The following AKAP6 variants were observed in gnomAD, a reference collection of about 807,000 sequenced individuals.
AKAP6 encodes A-kinase anchor protein 6.
AKAP6 carries 58 observed loss-of-function variants against 188.5 expected under a neutral mutation model. The observed-to-expected ratio is 0.31, with a 90% confidence interval of 0.25 to 0.38. The LOEUF (loss-of-function observed/expected upper bound fraction) is 0.38, where lower values mean the gene tolerates loss of function less well. Ranked by LOEUF, AKAP6 falls within the 10% of genes least tolerant of loss-of-function variation. The pLI, the probability that AKAP6 is intolerant of heterozygous loss-of-function variation, is 1.00. For missense variants in AKAP6, 2,710 were observed against 2,740.0 expected (o/e 0.99, Z 0.24); for synonymous variants, 989 against 998.6 (o/e 0.99, Z 0.18).
At chr14:32,357,837 C>T (rs1594536705) in intron 1 of AKAP6, among the ~76,000 whole-genome samples, 1 of 152,148 alleles carries the variant, frequency 6.6e-6, no homozygotes, top group Admixed American at 6.5e-5. Flanking sequence ...TTAGTAGTGG[C>T]GCCCGTGTGT....
chr14:32,648,423 G>A (rs985448093), intron 7 of AKAP6, among the ~76,000 whole-genome samples: 1 of 152,066 alleles, frequency 6.6e-6, no homozygotes, highest in Non-Finnish European at 1.5e-5. Flanking sequence ...GAGCACATAG[G>A]AGGGTATTCC....
intron 2 of AKAP6, among the ~76,000 whole-genome samples, chr14:32,489,400 A>C (rs1483937109): frequency 6.6e-6 from 1 of 152,010 alleles, no homozygotes; most frequent in Non-Finnish European, 1.5e-5. Context: ...TATAGAGATG[A>C]TGTCTCTCTA....
At chr14:32,355,279 T>A (rs1594534100) in intron 1 of AKAP6, among the ~76,000 whole-genome samples, 2 of 152,206 alleles carry the variant, frequency 1.3e-5, no homozygotes, top group African/African-American at 4.8e-5. Flanking sequence ...CCTTGAAATT[T>A]TCTGTTGTTG....
At chr14:32,745,383 G>A (rs8003351) in intron 11 of AKAP6, among the ~76,000 whole-genome samples, 39,687 of 150,240 alleles carry the variant, frequency 0.26, 5,501 homozygotes, top group African/African-American at 0.35. Context: ...CTTGGACAAC[G>A]TCTAGGATAA....
chr14:32,745,931 G>T (rs1371955502), intron 11 of AKAP6, among the ~76,000 whole-genome samples: 1 of 152,040 alleles, frequency 6.6e-6, no homozygotes, highest in Non-Finnish European at 1.5e-5. Flanking sequence ...AACCAGGGGA[G>T]CCTCACCCTA....
rs1890288644 is a variant in AKAP6, at chr14:32,433,602, G to A, written c.109G>A (p.Gly37Ser). The A allele has an allele frequency of 4.3e-6, 7 of 1,614,022 alleles. No individual in the cohort carries two copies. The highest frequency in any genetic ancestry group is 5.9e-6 in the Non-Finnish European group (7 of 1,180,026). ...AINMTPTVEQGEGEEAMKDMD... is the reference protein window; with the variant it reads ...AINMTPTVEQSEGEEAMKDMD... Reference sequence around the variant, plus strand: ...CAACATGACACCCACTGTGGAGCAGGGTGAGGGAGAAGAGGCAATGAAGGA... The same window carrying A: ...CAACATGACACCCACTGTGGAGCAGAGTGAGGGAGAAGAGGCAATGAAGGA... Residue 37 changes from glycine (G) to serine (S), a missense_variant, in exon 2 of 14, where the codon GGT (glycine) becomes AGT (serine). Gly to Ser is a moderately conservative substitution (Grantham distance 56, BLOSUM62 0). Around this residue, in one of 2 missense-constraint regions of AKAP6, gnomAD observed 237 missense variants for 313.9 expected, o/e 0.76. Coordinates refer to ENST00000280979, the MANE Select transcript of AKAP6 (RefSeq NM_004274.5).
chr14:32,436,414 A>G (rs958830766), intron 2 of AKAP6, among the ~76,000 whole-genome samples: 1 of 152,174 alleles, frequency 6.6e-6, no homozygotes, highest in Non-Finnish European at 1.5e-5. Flanking sequence ...TACTCTGTTA[A>G]GCCAAAGCAT....
chr14:32,617,936 AT>A (rs918830009), intron 7 of AKAP6, among the ~76,000 whole-genome samples: 15 of 148,940 alleles, frequency 1.0e-4, no homozygotes, highest in South Asian at 2.1e-4. Flanking sequence ...CCTTCAGGTC[AT>A]TTTTTTTTTA....
intron 6 of AKAP6, among the ~76,000 whole-genome samples, chr14:32,599,713 T>C (rs1885845749): frequency 6.6e-6 from 1 of 152,222 alleles, no homozygotes. Context: ...CCAAATGGTC[T>C]GTTCATTTTA....
chr14:32,633,476 C>T (rs1024694563), intron 7 of AKAP6, among the ~76,000 whole-genome samples: 5 of 152,048 alleles, frequency 3.3e-5, no homozygotes, highest in African/African-American at 4.8e-5. Flanking sequence ...ATGTGACTTG[C>T]AGGCCTCCTG....
At chr14:32,501,079 G>C (rs1437592991) in intron 2 of AKAP6, among the ~76,000 whole-genome samples, 1 of 152,054 alleles carries the variant, frequency 6.6e-6, no homozygotes, top group Non-Finnish European at 1.5e-5. Context: ...TAAAAATACA[G>C]TAGAAGCCAC....
intron 1 of AKAP6, among the ~76,000 whole-genome samples, chr14:32,396,383 G>A (rs1408677536): frequency 3.3e-5 from 5 of 152,262 alleles, no homozygotes; most frequent in African/African-American, 1.2e-4. Context: ...CTACCTATCA[G>A]TCATTCCTCC....
chr14:32,494,286 TTGA>T (rs1880193653), intron 2 of AKAP6: 1 of 152,128 alleles, frequency 6.6e-6, no homozygotes, highest in Non-Finnish European at 1.5e-5. Flanking sequence ...GAGTAGGGTG[TTGA>T]TGATGAAGTT....
chr14:32,378,200 A>G (rs1219829897), intron 1 of AKAP6, among the ~76,000 whole-genome samples: 2 of 152,112 alleles, frequency 1.3e-5, no homozygotes, highest in Non-Finnish European at 2.9e-5. Flanking sequence ...ATATAGGGGA[A>G]AAAACTAACA....
chr14:32,493,913 G>A (rs1880168768), intron 2 of AKAP6, among the ~76,000 whole-genome samples: 1 of 152,170 alleles, frequency 6.6e-6, no homozygotes, highest in Admixed American at 6.5e-5. Flanking sequence ...CAGAGGCAAA[G>A]CCTGGGAGCA....
At chr14:32,364,661 G>A (rs184447209) in intron 1 of AKAP6, among the ~76,000 whole-genome samples, 23 of 152,026 alleles carry the variant, frequency 1.5e-4, no homozygotes, top group Admixed American at 3.3e-4. Flanking sequence ...CCCCTGCCCC[G>A]ACTGAAGTGT....
At chr14:32,700,649 A>G (rs1272621731) in intron 9 of AKAP6, among the ~76,000 whole-genome samples, 3 of 152,220 alleles carry the variant, frequency 2.0e-5, no homozygotes, top group African/African-American at 7.2e-5. Context: ...TACAGTATTC[A>G]GTATAGTAAC....
At chr14:32,382,068 G>A (rs1888380523) in intron 1 of AKAP6, among the ~76,000 whole-genome samples, 1 of 152,110 alleles carries the variant, frequency 6.6e-6, no homozygotes, top group Admixed American at 6.5e-5. Context: ...TGTGAAAAGG[G>A]GATTAGTAAT....
chr14:32,625,365 T>C (rs1186206596), intron 7 of AKAP6, among the ~76,000 whole-genome samples: 1 of 152,108 alleles, frequency 6.6e-6, no homozygotes, highest in Non-Finnish European at 1.5e-5. Flanking sequence ...ATTTTTGTAA[T>C]ATATTATGTT....
Sources: gnomAD v4.1 joint callset for allele counts (sites outside exome capture counted in the v4.1 genomes callset) on GRCh38, gnomAD v4.1.1 for gene constraint, gnomAD v4.1.1 regional missense constraint, MANE v1.5 for transcripts, NCBI Gene and HGNC (gene_info 2026-07-23, HGNC 2026-07-21) for gene names.